The following NOVA2 variants were observed in gnomAD, a reference collection of about 807,000 sequenced individuals.
NOVA2 encodes RNA-binding protein Nova-2.
A neutral mutation model predicts 22.5 loss-of-function variants in NOVA2; 9 were observed. That is an observed-to-expected ratio of 0.40 (90% CI 0.24 to 0.70). The LOEUF is 0.70. NOVA2 is among the 30% of genes least tolerant of loss of function. The pLI is 0.38. For synonymous variants in NOVA2, 318 were observed against 335.2 expected (o/e 0.95, Z 0.56); for missense variants, 383 against 682.8 (o/e 0.56, Z 4.89).
At position 45,935,167 on chromosome 19, in the gene NOVA2, C is replaced by A. The variant is rs1397316803; in HGVS notation, c.*4696G>T. On this transcript the variant is annotated 3_prime_UTR_variant, in exon 4 of 4. Transcript: ENST00000263257. Reference sequence around the variant, plus strand: ...GGTGGGGGAGGGGGGGTTAGGCAGTCCCCCCCCAGTTATCTCTGGGAGACA... The same window carrying A: ...GGTGGGGGAGGGGGGGTTAGGCAGTACCCCCCCAGTTATCTCTGGGAGACA... 1 of 150,064 alleles carries A rather than the reference C, an allele frequency of 6.7e-6. No homozygotes were observed. The highest frequency in any genetic ancestry group is 1.5e-5 in the Non-Finnish European group (1 of 67,428). The allele number at this position is 150,064 out of a possible 1,614,324, so 9.3% of individuals were successfully genotyped here.
At chr19:45,943,212 C>G (rs1450556950) in intron 3 of NOVA2, among the ~76,000 whole-genome samples, 1 of 151,610 alleles carries the variant, frequency 6.6e-6, no homozygotes, top group African/African-American at 2.4e-5. Flanking sequence ...CACCACCATG[C>G]CCAGCTAATT....
chr19:45,949,738 T>G (rs931595147), intron 3 of NOVA2, among the ~76,000 whole-genome samples: 1 of 122,312 alleles, frequency 8.2e-6, no homozygotes, highest in Non-Finnish European at 1.6e-5. Context: ...AATCGTAGGT[T>G]GTTTTTTTTT....
Position 45,961,117 on chromosome 19 carries a change from C to A in NOVA2, c.122G>T (p.Ser41Ile). 1 of 1,599,498 alleles carries A rather than the reference C, an allele frequency of 6.3e-7. No homozygotes were observed. The highest frequency in any genetic ancestry group is 8.5e-7 in the Non-Finnish European group (1 of 1,173,326). ...GEYFLKVLIP[S>I]YAAGSIIGKG... ...GCCAATGATGGAGCCCGCCGCGTAG[C>A]TGGGGATCAGCACCTTCAGGAAGTA... The change falls in exon 2 of 4, where the codon AGC (serine) becomes ATC (isoleucine). Residue 41 changes from serine (S) to isoleucine (I), a missense_variant. Transcript: ENST00000263257.
At chr19:45,972,411 C>T (rs999612775) in intron 1 of NOVA2, among the ~76,000 whole-genome samples, 4 of 152,130 alleles carry the variant, frequency 2.6e-5, no homozygotes, top group African/African-American at 9.7e-5. Context: ...TACACGGCCT[C>T]TTCTGGCTGA....
Position 45,973,330 on chromosome 19 carries a change from A to C in NOVA2, c.22T>G (p.Ser8Ala). 7.8e-7 allele frequency: 1 copy of C among 1,276,764 alleles called. No homozygotes were observed. The highest frequency in any genetic ancestry group is 9.9e-7 in the Non-Finnish European group (1 of 1,006,516). The allele number at this position is 1,276,764 out of a possible 1,614,324, so 79.1% of individuals were successfully genotyped here. The change falls in exon 1 of 4, where the codon TCC (serine) becomes GCC (alanine). Residue 8 changes from serine (S) to alanine (A), a missense_variant. Physicochemically the swap from Ser to Ala is moderately conservative, Grantham distance 99. Transcript: ENST00000263257. MEPEAPD[S>A]RKRPLETPPE... is the part of the protein sequence containing the mutation. ...GGCGTTTCGAGGGGCCTCTTGCGGGAATCCGGGGCCTCGGGCTCCATGGGG... is the reference window on the plus strand; with the variant it reads ...GGCGTTTCGAGGGGCCTCTTGCGGGCATCCGGGGCCTCGGGCTCCATGGGG...
Position 45,934,430 on chromosome 19 carries a change from A to T in NOVA2, c.*5433T>A, listed in dbSNP as rs935504062. 1 of 152,200 alleles carries T rather than the reference A, an allele frequency of 6.6e-6. No individual in the cohort carries two copies. The highest frequency in any genetic ancestry group is 2.4e-5 in the African/African-American group (1 of 41,408). The allele number at this position is 152,200 out of a possible 1,614,324, so 9.4% of individuals were successfully genotyped here. On this transcript the variant is annotated 3_prime_UTR_variant, in exon 4 of 4. Transcript: ENST00000263257. Reference sequence around the variant, plus strand: ...AAGGGGAAAACGGAGGCATCCTCCCAGACTACACCTTTCCACACCTCTCCC... The same window carrying T: ...AAGGGGAAAACGGAGGCATCCTCCCTGACTACACCTTTCCACACCTCTCCC...
rs886187917 is a variant in NOVA2 at position 45,938,941 on chromosome 19, G to A, written c.*922C>T. The A allele has an allele frequency of 8.5e-5, 13 of 152,206 alleles. No homozygotes were observed. The highest frequency in any genetic ancestry group is 1.9e-4 in the Non-Finnish European group (13 of 68,024). 9.4% of individuals were successfully genotyped at this position (152,206 alleles called of 1,614,324 possible). On this transcript the variant is annotated 3_prime_UTR_variant, in exon 4 of 4. Transcript: ENST00000263257. ...AGGAAGAACTCATTGAGACATCACA[G>A]GAAGTACCTGCTCCCTTATGTTCAC...
intron 2 of NOVA2, among the ~76,000 whole-genome samples, chr19:45,956,838 G>A (rs999883493): frequency 4.6e-5 from 7 of 152,168 alleles, no homozygotes; most frequent in African/African-American, 1.2e-4. Flanking sequence ...TAAGGACGCC[G>A]AGGCACAGAG....
chr19:45,945,838 AT>A (rs113215875), intron 3 of NOVA2, among the ~76,000 whole-genome samples: 1,652 of 144,612 alleles, frequency 0.011, 34 homozygotes, highest in African/African-American at 0.034. Context: ...TATTATTATT[AT>A]TTTTTTTTTT....
chr19:45,965,468 C>T (rs1398024322), intron 1 of NOVA2, among the ~76,000 whole-genome samples: 1 of 152,234 alleles, frequency 6.6e-6, no homozygotes, highest in Non-Finnish European at 1.5e-5. Context: ...GTGGCTCACG[C>T]CTGTAATCCT....
intron 2 of NOVA2, among the ~76,000 whole-genome samples, chr19:45,955,574 G>A (rs1967992071): frequency 2.6e-5 from 4 of 152,142 alleles, no homozygotes; most frequent in African/African-American, 4.8e-5. Context: ...AAGGTCTTGA[G>A]TGTGGCCGGG....
chr19:45,953,934 C>T lies in NOVA2; in HGVS notation c.242G>A (p.Arg81Gln). 6.2e-7 allele frequency: 1 copy of T among 1,614,110 alleles called. No homozygotes were observed. Among genetic ancestry groups the T allele is most frequent in the Non-Finnish European group, 8.5e-7 (1 of 1,179,990 alleles). The part of the protein sequence containing the change: ...SKDFYPGTTE[R>Q]VCLVQGTAEA... ...TGCCGTGCCCTGTACTAGGCATACC[C>T]GCTCTGTGGTTCCTGTTGAGCAAGG... Residue 81 changes from arginine to glutamine, a missense_variant, in exon 3 of 4, where the codon CGG (arginine) becomes CAG (glutamine). Coordinates refer to ENST00000263257, the MANE Select transcript of NOVA2 (RefSeq NM_002516.4).
chr19:45,945,149 A>G (rs1045372503), intron 3 of NOVA2, among the ~76,000 whole-genome samples: 4 of 151,984 alleles, frequency 2.6e-5, no homozygotes, highest in African/African-American at 9.7e-5. Context: ...TACAAAAAAT[A>G]AAAATAAATT....
intron 1 of NOVA2, among the ~76,000 whole-genome samples, chr19:45,964,678 G>C (rs1238256898): frequency 6.6e-6 from 1 of 150,636 alleles, no homozygotes; most frequent in Non-Finnish European, 1.5e-5. Flanking sequence ...CTCCTGCCTC[G>C]GCCTCCCAAG....
intron 3 of NOVA2, among the ~76,000 whole-genome samples, chr19:45,943,516 C>A (rs866480163): frequency 6.6e-6 from 1 of 151,560 alleles, no homozygotes; most frequent in Admixed American, 6.6e-5. Flanking sequence ...GAGTTGTAGA[C>A]CTGCCTGGGT....
intron 3 of NOVA2, among the ~76,000 whole-genome samples, chr19:45,945,874 A>G (rs1967830073): frequency 6.7e-6 from 1 of 148,806 alleles, no homozygotes; most frequent in Non-Finnish European, 1.5e-5. Flanking sequence ...TTGCTCTGTC[A>G]CCCAGGCTAT....
At chr19:45,949,775 C>T (rs1046552370) in intron 3 of NOVA2, among the ~76,000 whole-genome samples, 4 of 141,948 alleles carry the variant, frequency 2.8e-5, no homozygotes, top group Non-Finnish European at 4.5e-5. Flanking sequence ...AAGTCTTGCT[C>T]TGTCAGCCAG....
chr19:45,955,601 T>C (rs895187702), intron 2 of NOVA2, among the ~76,000 whole-genome samples: 1 of 152,018 alleles, frequency 6.6e-6, no homozygotes, highest in East Asian at 1.9e-4. Flanking sequence ...GGCTCACGCT[T>C]GAAACCCCAG....
In NOVA2 at chr19:45,935,810, A is replaced by G. The variant is rs569606146; in HGVS notation, c.*4053T>C. On this transcript the variant is annotated 3_prime_UTR_variant, in exon 4 of 4. Transcript: ENST00000263257. ...AGGAACAGGGAGGAGAAACAGAATG[A>G]GGGGATATTGAAGGATTTGGTGGTC... 39 of 152,368 alleles carry G rather than the reference A, an allele frequency of 2.6e-4. No individual in the cohort carries two copies. The highest frequency in any genetic ancestry group is 9.4e-4 in the African/African-American group (39 of 41,556). 9.4% of individuals were successfully genotyped at this position (152,368 alleles called of 1,614,324 possible).
Sources: gnomAD v4.1 joint callset for allele counts (sites outside exome capture counted in the v4.1 genomes callset) on GRCh38, gnomAD v4.1.1 for gene constraint, MANE v1.5 for transcripts, NCBI Gene and HGNC (gene_info 2026-07-23, HGNC 2026-07-21) for gene names.